LPA: variants seen among roughly 807,000 people sequenced by gnomAD.
LPA encodes lipoprotein(a).
In LPA, 199 loss-of-function variants were observed where a neutral mutation model predicts 197.9. That is an observed-to-expected ratio of 1.01 (90% confidence interval 0.90 to 1.13). The LOEUF is 1.13. LPA is among the 50% of genes most tolerant of loss of function. The pLI, the probability that LPA is intolerant of heterozygous loss-of-function variation, is 0.00. For missense variants in LPA, 1,853 were observed against 1,785.8 expected (o/e 1.04, Z -0.68); for synonymous variants, 715 against 639.5 (o/e 1.12, Z -1.78).
intron 36 of LPA, among the ~76,000 whole-genome samples, chr6:160,538,469 C>T (rs1006417386): frequency 2.6e-5 from 4 of 152,160 alleles, no homozygotes; most frequent in African/African-American, 9.7e-5. Flanking sequence ...AAATGCTAGA[C>T]ATCAAATGAA....
intron 2 of LPA, among the ~76,000 whole-genome samples, chr6:160,649,453 T>C (rs1457488042): frequency 6.6e-6 from 1 of 152,228 alleles, no homozygotes; most frequent in Non-Finnish European, 1.5e-5. Context: ...GTTCTCATTG[T>C]TAGCAGGCCT....
intron 23 of LPA, 46 bp from the exon 24 acceptor site, chr6:160,589,758 C>T (rs746931450): frequency 3.1e-6 from 5 of 1,609,462 alleles, no homozygotes; most frequent in African/African-American, 1.3e-5. Flanking sequence ...TTCCAGAACA[C>T]AGAAGCATGA....
At chr6:160,576,984 A>C (rs1056454612) in intron 28 of LPA, 152 bp downstream of exon 28, 4 of 850,846 alleles carry the variant, frequency 4.7e-6, no homozygotes, top group Admixed American at 4.2e-5. Flanking sequence ...CTTCTCTTAG[A>C]CTCTTTGCTC....
rs1777961368 is a variant in LPA, at chr6:160,540,304, G to A, written c.5595-121C>T. ...GCCACCCAGAATCAGTGACTTATGA[G>A]TGGCAAGAAACAAAATTCACAATTT... On this transcript the variant is annotated intron_variant, in intron 35 of 38. Transcript: ENST00000316300. 9 of 1,101,628 alleles carry A rather than the reference G, an allele frequency of 8.2e-6. No individual in the cohort carries two copies. The East Asian group carries it at 2.1e-4, about 26-fold the overall frequency. 68.2% of individuals were successfully genotyped at this position (1,101,628 alleles called of 1,614,324 possible). A position where few individuals can be genotyped will look rare whatever the true frequency, so the allele number is the denominator to read the frequency against.
intron 19 of LPA, 115 bp from the exon 20 acceptor site, chr6:160,599,774 T>A: frequency 8.8e-7 from 1 of 1,138,472 alleles, no homozygotes; most frequent in Non-Finnish European, 1.3e-6. Context: ...CATTCTCTAT[T>A]CTTTATTAAT....
In LPA at chr6:160,609,423, A is replaced by G. The variant is rs1383341805; in HGVS notation, c.2603+2139T>C. On this transcript the variant is annotated intron_variant, in intron 16 of 38. Coordinates refer to ENST00000316300, the MANE Select transcript of LPA (RefSeq NM_005577.4). ...ATTTGTATCACTGTACTCTAGGAAGACACAGCTCTTTTTTCTCCAGTTTCT... is the reference window on the plus strand; with the variant it reads ...ATTTGTATCACTGTACTCTAGGAAGGCACAGCTCTTTTTTCTCCAGTTTCT... Among the ~76,000 whole-genome samples the G allele has an allele frequency of 2.6e-5, 4 of 152,116 alleles. No homozygotes were observed. The East Asian group carries it at 7.7e-4, about 29-fold the overall frequency.
intron 33 of LPA, among the ~76,000 whole-genome samples, chr6:160,543,203 A>G (rs146902611): frequency 1.3e-5 from 2 of 152,260 alleles, no homozygotes; most frequent in African/African-American, 4.8e-5. Context: ...TCCCATGACT[A>G]ACTGACTGCT....
intron 22 of LPA, 142 bp from the exon 23 acceptor site, chr6:160,591,243 C>A: frequency 1.9e-6 from 2 of 1,063,042 alleles, no homozygotes; most frequent in South Asian, 1.4e-5. Flanking sequence ...AATCACAAAT[C>A]GTCCTCAACT....
At chr6:160,646,728 A>G (rs1779886937) in intron 2 of LPA, among the ~76,000 whole-genome samples, 1 of 140,060 alleles carries the variant, frequency 7.1e-6, no homozygotes, top group South Asian at 2.5e-4. Context: ...TCTCTGGAAT[A>G]ACTGGTATGG....
Position 160,555,287 on chromosome 6 carries a change from A to ATAT in LPA, c.4973+735_4973+737dup, listed in dbSNP as rs1412887783. ...ATATTATATTATATTATATTATATT[A>ATAT]TATGTTAGTGTGTGTGTGTGTGTGT... is the stretch of plus-strand genomic sequence containing the variant. On this transcript the variant is annotated intron_variant, in intron 30 of 38. Transcript: ENST00000316300. Among the ~76,000 whole-genome samples the ATAT allele has an allele frequency of 3.6e-3, 390 of 107,132 alleles. 2 individuals carry two copies. Among genetic ancestry groups the ATAT allele is most frequent in the African/African-American group, 0.014 (374 of 26,578 alleles). 70.3% of individuals were successfully genotyped at this position (107,132 alleles called of 152,430 possible).
At chr6:160,662,155 T>C (rs1213557366) in intron 1 of LPA, among the ~76,000 whole-genome samples, 1 of 152,238 alleles carries the variant, frequency 6.6e-6, no homozygotes. Flanking sequence ...CCAGGGCTCA[T>C]ATGGCAATGG....
intron 36 of LPA, among the ~76,000 whole-genome samples, chr6:160,538,941 G>A (rs1777934713): frequency 6.6e-6 from 1 of 152,210 alleles, no homozygotes; most frequent in South Asian, 2.1e-4. Flanking sequence ...TCTTGTATTT[G>A]CACATTTGCT....
intron 28 of LPA, among the ~76,000 whole-genome samples, chr6:160,559,536 G>C (rs1778327283): frequency 1.3e-5 from 2 of 152,204 alleles, no homozygotes; most frequent in African/African-American, 2.4e-5. Flanking sequence ...TTCAGGAATA[G>C]AATTGCAGGT....
chr6:160,650,399 G>T lies in LPA; in HGVS notation c.148C>A (p.Gln50Lys). The T allele has an allele frequency of 1.2e-6, 2 of 1,613,882 alleles. No homozygotes were observed. Among genetic ancestry groups the T allele is most frequent in the Non-Finnish European group, 1.7e-6 (2 of 1,179,824 alleles). Residue 50 changes from glutamine to lysine, a missense_variant, in exon 2 of 39, where the codon CAA becomes AAA. This residue lies in a region of LPA where 88 missense variants were observed against 83.0 expected (regional missense o/e 1.06). Coordinates refer to ENST00000316300, the MANE Select transcript of LPA (RefSeq NM_005577.4). Reference protein sequence around the residue: ...YSTTVTGRTCQAWSSMTPHQH... With the variant: ...YSTTVTGRTCKAWSSMTPHQH... The stretch of plus-strand genomic sequence containing the variant: ...TGTGGTGTCATAGATGACCAAGCTT[G>T]GCAGGTCCTTCCTGTGACAGTGGTG...
At position 160,650,399 on chromosome 6, in the gene LPA, G is replaced by C. The variant is rs1779982038; in HGVS notation, c.148C>G (p.Gln50Glu). 1.9e-6 allele frequency: 3 copies of C among 1,613,764 alleles called. No individual in the cohort carries two copies. The highest frequency in any genetic ancestry group is 2.5e-6 in the Non-Finnish European group (3 of 1,179,832). The change falls in exon 2 of 39, where the codon CAA becomes GAA. Residue 50 changes from glutamine to glutamate, a missense_variant. Physicochemically the swap from Gln to Glu is conservative, Grantham distance 29. Transcript: ENST00000316300. ...YSTTVTGRTC[Q>E]AWSSMTPHQH... Reference sequence around the variant, plus strand: ...TGTGGTGTCATAGATGACCAAGCTTGGCAGGTCCTTCCTGTGACAGTGGTG... The same window carrying C: ...TGTGGTGTCATAGATGACCAAGCTTCGCAGGTCCTTCCTGTGACAGTGGTG...
At chr6:160,601,530 T>C (rs1779242283) in intron 18 of LPA, among the ~76,000 whole-genome samples, 1 of 152,176 alleles carries the variant, frequency 6.6e-6, no homozygotes, top group Non-Finnish European at 1.5e-5. Context: ...CATATAGTAA[T>C]GTGCGAGTTG....
chr6:160,602,897 A>G (rs1221539925), intron 18 of LPA, among the ~76,000 whole-genome samples: 1 of 152,078 alleles, frequency 6.6e-6, no homozygotes, highest in Non-Finnish European at 1.5e-5. Flanking sequence ...CTAGCAAGAC[A>G]CAGCTCTTTT....
rs1174860010 is a variant in LPA at position 160,595,413 on chromosome 6, C to T, written c.3410G>A (p.Ser1137Asn). The change falls in exon 21 of 39, where the codon AGT (serine) becomes AAT (asparagine). Residue 1137 changes from serine (S) to asparagine (N), a missense_variant. Transcript: ENST00000316300. ...GACCACCGTGAGAGTTGCAAGGACA[C>T]TTGATTCTGTCACCAGGCATTGTGT... The part of the protein sequence containing the change: ...NLTQCLVTES[S>N]VLATLTVVPD... The T allele has an allele frequency of 6.2e-7, 1 of 1,613,968 alleles. No individual in the cohort carries two copies.
intron 25 of LPA, among the ~76,000 whole-genome samples, chr6:160,585,893 C>T (rs1176055346): frequency 1.3e-5 from 2 of 152,032 alleles, no homozygotes; most frequent in African/African-American, 4.8e-5. Context: ...GAAATCCCTT[C>T]CCTCAAATCC....
Sources: allele counts gnomAD v4.1 joint callset (sites outside exome capture counted in the v4.1 genomes callset), GRCh38; gene constraint gnomAD v4.1.1; regional missense constraint gnomAD v4.1.1; transcripts MANE v1.5; gene names NCBI Gene and HGNC (gene_info 2026-07-23, HGNC 2026-07-21).